Variants in KCND3 observed in about 807,000 individuals in gnomAD.
KCND3 encodes the protein potassium voltage-gated channel subfamily D member 3, also known as A-type voltage-gated potassium channel KCND3.
Under a neutral mutation model 51.1 loss-of-function variants are expected in KCND3, and 9 were observed. The ratio of observed to expected loss-of-function variants is 0.18; its 90% confidence interval spans 0.11 to 0.31. The LOEUF (loss-of-function observed/expected upper bound fraction) is 0.31, where lower values mean the gene tolerates loss of function less well. Ranked by LOEUF, KCND3 falls within the 10% of genes least tolerant of loss-of-function variation. The probability of loss-of-function intolerance (pLI) is 1.00; values close to 1 mark genes in which losing one functional copy is unlikely to be tolerated. For missense variants in KCND3, 526 were observed against 903.8 expected, an observed-to-expected ratio of 0.58 and a Z score of 5.36; for synonymous variants, 349 against 368.0, an observed-to-expected ratio of 0.95 and a Z score of 0.59.
intron 2 of KCND3, among the ~76,000 whole-genome samples, chr1:111,960,255 C>T (rs1402908975): frequency 3.3e-5 from 5 of 152,204 alleles, no homozygotes; most frequent in African/African-American, 9.6e-5. Context: ...TCTACCCAAG[C>T]TGACTTCACA....
chr1:111,973,466 G>T (rs1287623277), intron 2 of KCND3, among the ~76,000 whole-genome samples: 2 of 152,254 alleles, frequency 1.3e-5, no homozygotes, highest in African/African-American at 4.8e-5. Context: ...ATAAGGTTCT[G>T]GGATGGAGGG....
chr1:111,814,413 C>T (rs1665991752), intron 2 of KCND3, among the ~76,000 whole-genome samples: 1 of 152,190 alleles, frequency 6.6e-6, no homozygotes, highest in African/African-American at 2.4e-5. Context: ...GAGGAAACAG[C>T]GTATATTGAG....
intron 2 of KCND3, among the ~76,000 whole-genome samples, chr1:111,958,689 G>A (rs139648614): frequency 3.3e-5 from 5 of 152,154 alleles, no homozygotes; most frequent in South Asian, 2.1e-4. Flanking sequence ...TTATTCTACC[G>A]CTCTGGAGCT....
intron 2 of KCND3, among the ~76,000 whole-genome samples, chr1:111,818,751 G>C (rs1416268559): frequency 1.3e-5 from 2 of 152,220 alleles, no homozygotes; most frequent in East Asian, 3.9e-4. Context: ...CAGAAGGGCC[G>C]CCCGGGCCTC....
intron 2 of KCND3, among the ~76,000 whole-genome samples, chr1:111,960,355 T>C (rs1031858631): frequency 2.0e-5 from 3 of 152,218 alleles, no homozygotes; most frequent in Non-Finnish European, 4.4e-5. Context: ...CCAAAGATCC[T>C]TTCTTCTGAA....
rs76487072 is a variant in KCND3 at position 111,879,379 on chromosome 1, G to A, written c.1107-92273C>T. The stretch of plus-strand genomic sequence containing the variant: ...AAAGTGTTTACATTCTTGCCTCTCA[G>A]CTTCCAGGGACGACTCAAATGGCCC... On this transcript the variant is annotated intron_variant, in intron 2 of 7. Coordinates refer to ENST00000302127, the MANE Select transcript of KCND3 (RefSeq NM_001378969.1). Among the ~76,000 whole-genome samples the A allele has an allele frequency of 9.1e-3, 1,388 of 152,238 alleles. 18 individuals are homozygous for A. Among genetic ancestry groups the A allele is most frequent in the African/African-American group, 0.032 (1,330 of 41,530 alleles).
At chr1:111,778,752 G>A (rs1316413843) in intron 5 of KCND3, among the ~76,000 whole-genome samples, 1 of 151,780 alleles carries the variant, frequency 6.6e-6, no homozygotes, top group Non-Finnish European at 1.5e-5. Flanking sequence ...CACCCCTTAA[G>A]TCCAACATTC....
At chr1:111,807,990 C>T (rs773234869) in intron 2 of KCND3, among the ~76,000 whole-genome samples, 8 of 152,096 alleles carry the variant, frequency 5.3e-5, no homozygotes, top group Non-Finnish European at 1.2e-4. Flanking sequence ...GTTGAAAAAA[C>T]CCAAATACAA....
At chr1:111,877,879 A>G (rs1350666955) in intron 2 of KCND3, among the ~76,000 whole-genome samples, 1 of 152,230 alleles carries the variant, frequency 6.6e-6, no homozygotes, top group Non-Finnish European at 1.5e-5. Flanking sequence ...ACATCTCAAG[A>G]AGCAAAAGGA....
At position 111,777,141 on chromosome 1, in the gene KCND3, T is replaced by C; in HGVS notation, c.1651A>G (p.Ser551Gly). Reference protein sequence around the residue: ...GLTTTCCSRRSKKTTHLPNSN... With the variant: ...GLTTTCCSRRGKKTTHLPNSN... ...TTGGGCAGGTGTGTGGTCTTCTTAC[T>C]ACGACGGGAGCAGCAGGTGGTAGTG... The change falls in exon 7 of 8, where the codon AGT (serine) becomes GGT (glycine). Residue 551 changes from serine to glycine, a missense_variant. By Grantham distance (56) the Ser-to-Gly change is moderately conservative. Coordinates refer to ENST00000302127, the MANE Select transcript of KCND3 (RefSeq NM_001378969.1). 1 of 1,614,204 alleles carries C rather than the reference T, an allele frequency of 6.2e-7. No individual in the cohort carries two copies.
intron 3 of KCND3, among the ~76,000 whole-genome samples, chr1:111,786,589 T>G (rs1664612937): frequency 6.6e-6 from 1 of 152,168 alleles, no homozygotes; most frequent in Admixed American, 6.5e-5. Flanking sequence ...TATAGGATAT[T>G]AAAAAGAGAT....
rs568025965 is a variant in KCND3, at chr1:111,814,888, G to A, written c.1107-27782C>T. ...TTATCCACCAGAGTCCCTAGGATGT[G>A]TCTGCTCAGCCATATTAAGGAGGCC... On this transcript the variant is annotated intron_variant, in intron 2 of 7. Transcript: ENST00000302127. Among the ~76,000 whole-genome samples the A allele has an allele frequency of 3.3e-5, 5 of 152,330 alleles. No homozygotes were observed. In the South Asian group the frequency reaches 1.0e-3, roughly 32 times the overall value.
intron 2 of KCND3, among the ~76,000 whole-genome samples, chr1:111,796,445 C>T (rs993637145): frequency 2.0e-5 from 3 of 152,048 alleles, no homozygotes; most frequent in Non-Finnish European, 4.4e-5. Flanking sequence ...TACTATACAG[C>T]CATAGAAAAG....
intron 2 of KCND3, among the ~76,000 whole-genome samples, chr1:111,893,694 G>A (rs1415663693): frequency 6.6e-6 from 1 of 152,128 alleles, no homozygotes; most frequent in Non-Finnish European, 1.5e-5. Flanking sequence ...ACCTATCAGA[G>A]GTGAACAACC....
At chr1:111,880,258 G>A (rs1263944424) in intron 2 of KCND3, among the ~76,000 whole-genome samples, 1 of 152,156 alleles carries the variant, frequency 6.6e-6, no homozygotes, top group Non-Finnish European at 1.5e-5. Context: ...GAACAGCAGT[G>A]GATTCCTGAG....
chr1:111,835,241 G>C (rs2101628482), intron 2 of KCND3, among the ~76,000 whole-genome samples: 1 of 152,308 alleles, frequency 6.6e-6, no homozygotes, highest in Non-Finnish European at 1.5e-5. Context: ...CTTGACAATG[G>C]GTGGGTAGGC....
At chr1:111,906,208 T>C (rs1030836616) in intron 2 of KCND3, among the ~76,000 whole-genome samples, 2 of 152,158 alleles carry the variant, frequency 1.3e-5, no homozygotes, top group African/African-American at 4.8e-5. Flanking sequence ...AAGGTAGAGA[T>C]AGACACATAG....
chr1:111,839,256 A>G (rs1667216404), intron 2 of KCND3, among the ~76,000 whole-genome samples: 1 of 152,206 alleles, frequency 6.6e-6, no homozygotes, highest in Admixed American at 6.5e-5. Flanking sequence ...CTGAGACACC[A>G]AGTATTTGGG....
intron 2 of KCND3, among the ~76,000 whole-genome samples, chr1:111,926,993 A>G (rs1671731385): frequency 6.6e-6 from 1 of 152,182 alleles, no homozygotes; most frequent in South Asian, 2.1e-4. Context: ...TGCTAGCATT[A>G]ACTGAGTACT....
Sources: gnomAD v4.1 joint callset for allele counts (sites outside exome capture counted in the v4.1 genomes callset) on GRCh38, gnomAD v4.1.1 for gene constraint, MANE v1.5 for transcripts, NCBI Gene and HGNC (gene_info 2026-07-23, HGNC 2026-07-21) for gene names.